Variants in IL1RAPL2 observed in about 807,000 individuals in gnomAD.
IL1RAPL2 encodes the protein X-linked interleukin-1 receptor accessory protein-like 2.
Under a neutral mutation model 44.1 loss-of-function variants are expected in IL1RAPL2, and 3 were observed. The observed-to-expected ratio is 0.07, with a 90% CI of 0.03 to 0.18. The LOEUF (loss-of-function observed/expected upper bound fraction) is 0.18, where lower values mean the gene tolerates loss of function less well. Ranked by LOEUF, IL1RAPL2 falls within the 10% of genes least tolerant of loss-of-function variation. IL1RAPL2 has a pLI of 1.00. For missense variants in IL1RAPL2, 391 were observed against 496.4 expected (o/e 0.79, Z 2.02); for synonymous variants, 181 against 178.8 (o/e 1.01, Z -0.10).
intron 6 of IL1RAPL2, among the ~76,000 whole-genome samples, chrX:105,699,623 C>T (rs1323942028): frequency 2.7e-5 from 3 of 111,805 alleles, no homozygotes; most frequent in Non-Finnish European, 5.6e-5. Context: ...CCACATTCCT[C>T]TGTGGGATGG....
At chrX:104,862,784 G>A (rs1922526711) in intron 2 of IL1RAPL2, among the ~76,000 whole-genome samples, 1 of 111,876 alleles carries the variant, frequency 8.9e-6, no homozygotes, top group Admixed American at 9.5e-5. Context: ...ATAACAGGGT[G>A]TTCATTTACT....
intron 6 of IL1RAPL2, among the ~76,000 whole-genome samples, chrX:105,597,915 A>C (rs1009640471): frequency 8.9e-6 from 1 of 111,754 alleles, no homozygotes; most frequent in African/African-American, 3.3e-5. Context: ...CAAAAAAATT[A>C]AAAATAGAAC....
At chrX:104,961,160 T>C in intron 2 of IL1RAPL2, among the ~76,000 whole-genome samples, 1 of 111,451 alleles carries the variant, frequency 9.0e-6, no homozygotes, top group East Asian at 2.8e-4. Flanking sequence ...TCACACCTAC[T>C]ATAGTAAAAA....
At chrX:104,979,630 T>A (rs1348552974) in intron 2 of IL1RAPL2, among the ~76,000 whole-genome samples, 2 of 112,014 alleles carry the variant, frequency 1.8e-5, no homozygotes, top group Non-Finnish European at 3.8e-5. Flanking sequence ...ATTATAAACA[T>A]AGGAAACAAT....
chrX:105,132,905 G>A (rs1056599932), intron 2 of IL1RAPL2, among the ~76,000 whole-genome samples: 2 of 111,789 alleles, frequency 1.8e-5, no homozygotes, highest in Admixed American at 1.9e-4. Context: ...AAAATAGAAA[G>A]TGCTGTTCTG....
chrX:105,767,756 G>C lies in IL1RAPL2; in HGVS notation c.*95G>C, dbSNP rs768001274. 1.5e-6 allele frequency: 1 copy of C among 654,999 alleles called. No individual in the cohort carries two copies. The highest frequency in any genetic ancestry group is 3.3e-5 in the East Asian group (1 of 29,920). The allele number at this position is 654,999 out of a possible 1,213,427, so 54.0% of individuals were successfully genotyped here. ...CACCTAATAACGTTGTGTTAAAAAA[G>C]TGTTTGAAGAAAAAGGTACAAAAAT... On this transcript the variant is annotated 3_prime_UTR_variant, in exon 11 of 11. Transcript: ENST00000372582.
At chrX:105,001,225 G>A (rs1231993332) in intron 2 of IL1RAPL2, among the ~76,000 whole-genome samples, 1 of 111,444 alleles carries the variant, frequency 9.0e-6, no homozygotes, top group African/African-American at 3.3e-5. Context: ...CCCTTAAGAT[G>A]TCTTACGTTG....
At chrX:104,906,623 T>C (rs1309590239) in intron 2 of IL1RAPL2, among the ~76,000 whole-genome samples, 1 of 112,222 alleles carries the variant, frequency 8.9e-6, no homozygotes, top group Non-Finnish European at 1.9e-5. Context: ...GATTTGCATA[T>C]ACTGAACCAG....
chrX:105,202,335 AATCCCTTGTATAATTACACAATC>A (rs2147615581), intron 3 of IL1RAPL2, among the ~76,000 whole-genome samples: 1 of 112,520 alleles, frequency 8.9e-6, no homozygotes, highest in African/African-American at 3.2e-5. Flanking sequence ...TTTTTAGTTT[AATCCCTTGTATAATTACACAATC>A]TTAAGTGACT....
chrX:105,312,357 T>A (rs2034804697), intron 5 of IL1RAPL2, among the ~76,000 whole-genome samples: 1 of 112,038 alleles, frequency 8.9e-6, no homozygotes, highest in Non-Finnish European at 1.9e-5. Flanking sequence ...TAAAGATACC[T>A]GTGAATTATT....
chrX:104,905,938 A>T (rs1923984529), intron 2 of IL1RAPL2, among the ~76,000 whole-genome samples: 1 of 110,189 alleles, frequency 9.1e-6, no homozygotes, highest in South Asian at 4.0e-4. Context: ...ACCCGTGAAC[A>T]TGGAATATTC....
intron 6 of IL1RAPL2, among the ~76,000 whole-genome samples, chrX:105,503,449 C>A (rs772498647): frequency 1.9e-4 from 21 of 111,521 alleles, no homozygotes; most frequent in African/African-American, 6.5e-4. Context: ...ATTTCCAGTT[C>A]TCTAAATAAG....
intron 5 of IL1RAPL2, among the ~76,000 whole-genome samples, chrX:105,469,830 C>T (rs763261314): frequency 9.9e-5 from 11 of 110,643 alleles, no homozygotes; most frequent in Non-Finnish European, 1.1e-4. Flanking sequence ...TAGTATATAC[C>T]CCATACATAA....
intron 6 of IL1RAPL2, among the ~76,000 whole-genome samples, chrX:105,485,526 G>T (rs1167220814): frequency 9.0e-6 from 1 of 110,936 alleles, no homozygotes; most frequent in South Asian, 3.8e-4. Context: ...TAGTCACCCT[G>T]TTGTGCTATT....
chrX:105,432,707 T>A (rs145574683), intron 5 of IL1RAPL2, among the ~76,000 whole-genome samples: 1,330 of 110,369 alleles, frequency 0.012, 6 homozygotes, highest in Non-Finnish European at 0.019. Flanking sequence ...ATTTGGGGAG[T>A]GGGATAAGGG....
chrX:105,233,704 C>T, intron 3 of IL1RAPL2, 114 bp from the exon 4 acceptor site: 1 of 586,078 alleles, frequency 1.7e-6, no homozygotes, highest in Non-Finnish European at 2.7e-6. Context: ...ATGTTTTTTT[C>T]TGATTTCTAG....
At chrX:105,222,063 G>A (rs1321216398) in intron 3 of IL1RAPL2, among the ~76,000 whole-genome samples, 2 of 111,197 alleles carry the variant, frequency 1.8e-5, no homozygotes, top group African/African-American at 6.5e-5. Flanking sequence ...ATCATTTGAT[G>A]GATCCTTGTG....
At chrX:105,272,249 A>T (rs1194251953) in intron 5 of IL1RAPL2, among the ~76,000 whole-genome samples, 5 of 109,363 alleles carry the variant, frequency 4.6e-5, no homozygotes, top group African/African-American at 1.3e-4. Flanking sequence ...AACCTGCACA[A>T]TGTGCACATG....
At chrX:105,471,764 A>G (rs975530150) in intron 5 of IL1RAPL2, among the ~76,000 whole-genome samples, 20 of 111,442 alleles carry the variant, frequency 1.8e-4, no homozygotes, top group Middle Eastern at 4.6e-3. Context: ...ACACTGAGTC[A>G]CCTAACACAG....
Sources: allele counts gnomAD v4.1 joint callset (sites outside exome capture counted in the v4.1 genomes callset), GRCh38; gene constraint gnomAD v4.1.1; transcripts MANE v1.5; gene names NCBI Gene and HGNC (gene_info 2026-07-23, HGNC 2026-07-21).